NKAIN4: variants seen among roughly 807,000 people sequenced by gnomAD.
NKAIN4 encodes the protein sodium/potassium transporting ATPase interacting 4, also known as sodium/potassium-transporting ATPase subunit beta-1-interacting protein 4.
Under a neutral mutation model 28.8 loss-of-function variants are expected in NKAIN4, and 28 were observed. That is an observed-to-expected ratio of 0.97 (90% CI 0.72 to 1.33). The LOEUF (loss-of-function observed/expected upper bound fraction) is 1.33. Ranked by LOEUF, NKAIN4 falls within the 40% of genes most tolerant of loss-of-function variation. The probability of loss-of-function intolerance (pLI) is 0.00; values close to 1 mark genes in which losing one functional copy is unlikely to be tolerated. For missense variants in NKAIN4, 289 were observed against 277.2 expected (o/e 1.04, Z -0.30); for synonymous variants, 122 against 115.6 (o/e 1.06, Z -0.36).
rs918206149 is a variant in NKAIN4, at chr20:63,241,171, G to A, written c.*326C>T. ...GCACCTGAGGGAGGGGCTCCTCGAC[G>A]AGACGACAGCCTGGGGGCAGAGCTG... On this transcript the variant is annotated 3_prime_UTR_variant, in exon 7 of 7. Transcript: ENST00000370316. The A allele has an allele frequency of 2.1e-5, 7 of 335,296 alleles. No homozygotes were observed. Among genetic ancestry groups the A allele is most frequent in the South Asian group, 1.3e-4 (4 of 30,164 alleles). 20.8% of individuals were successfully genotyped at this position (335,296 alleles called of 1,614,324 possible). A position where few individuals can be genotyped will look rare whatever the true frequency, so the allele number is the denominator to read the frequency against.
chr20:63,243,590 C>T (rs569360807), intron 5 of NKAIN4, among the ~76,000 whole-genome samples: 50 of 152,304 alleles, frequency 3.3e-4, no homozygotes, highest in African/African-American at 8.2e-4. Context: ...GACGGGCTGG[C>T]GAGCAAAGGG....
rs561559912 is a variant in NKAIN4 at position 63,241,306 on chromosome 20, C to T, written c.*191G>A. ...GAAAGGAAATTACAAACTCTCTTGA[C>T]GCTGCAGCCAGCCGTGGCACTGCCC... On this transcript the variant is annotated 3_prime_UTR_variant, in exon 7 of 7. Transcript: ENST00000370316. 112 of 584,146 alleles carry T rather than the reference C, an allele frequency of 1.9e-4. No individual in the cohort carries two copies. Among genetic ancestry groups the T allele is most frequent in the African/African-American group, 1.8e-3 (95 of 52,382 alleles). 36.2% of individuals were successfully genotyped at this position (584,146 alleles called of 1,614,324 possible).
rs200564232 is a variant in NKAIN4 at position 63,252,881 on chromosome 20, G to A, written c.54+1516C>T. Among the ~76,000 whole-genome samples the A allele has an allele frequency of 1.8e-4, 28 of 152,202 alleles. No individual in the cohort carries two copies. The East Asian group carries it at 2.7e-3, about 15-fold the overall frequency. The stretch of plus-strand genomic sequence containing the variant: ...CCTGAGGTCACATCCGACCAGCACA[G>A]TCGTGCCTCACCCTGCACCTGAGAC... On this transcript the variant is annotated intron_variant, in intron 1 of 6. Transcript: ENST00000370316. This position sits in a 1 kb window ranked among gnomAD's most constrained non-coding sequence, Gnocchi z 4.6.
chr20:63,254,173 C>G (rs897567778), intron 1 of NKAIN4: 1 of 436,954 alleles, frequency 2.3e-6, no homozygotes, highest in Admixed American at 4.6e-5. Flanking sequence ...CGGCCGCCCC[C>G]CGCGCACGCA....
intron 6 of NKAIN4, 101 bp from the exon 7 acceptor site, chr20:63,241,607 C>A (rs2066752641): frequency 9.4e-6 from 10 of 1,063,690 alleles, no homozygotes; most frequent in Middle Eastern, 2.0e-4. Context: ...GGAACAAAGT[C>A]CAAGCAGTGG....
chr20:63,254,018 CAG>C (rs940146943), intron 1 of NKAIN4: 12 of 229,462 alleles, frequency 5.2e-5, no homozygotes, highest in Non-Finnish European at 7.9e-5. Flanking sequence ...CTCGCACAGA[CAG>C]AGACAGGCGC....
chr20:63,254,049 G>A (rs2067008782), intron 1 of NKAIN4: 2 of 276,372 alleles, frequency 7.2e-6, no homozygotes, highest in Admixed American at 5.8e-5. Flanking sequence ...GGGCGCACCC[G>A]GGGCCACACA....
intron 4 of NKAIN4, chr20:63,244,599 C>T (rs904735860): frequency 4.5e-5 from 21 of 466,038 alleles, no homozygotes; most frequent in Middle Eastern, 3.3e-4. Context: ...CGGGGTCCAG[C>T]GGGCAACTCC....
intron 1 of NKAIN4, chr20:63,253,347 G>A (rs941182180): frequency 3.1e-5 from 31 of 985,260 alleles, no homozygotes; most frequent in Non-Finnish European, 3.6e-5. Flanking sequence ...CTTCCTGCAG[G>A]AAGGACACGA....
chr20:63,246,312 A>G (rs989926550), intron 4 of NKAIN4, among the ~76,000 whole-genome samples: 1 of 152,274 alleles, frequency 6.6e-6, no homozygotes. Flanking sequence ...TTTCTCCTCC[A>G]GTGGCAGGCA....
At chr20:63,244,153 T>C in intron 4 of NKAIN4, 69 bp from the exon 5 acceptor site, 1 of 1,430,180 alleles carries the variant, frequency 7.0e-7, no homozygotes, top group Non-Finnish European at 9.7e-7. Flanking sequence ...TGAGGCGATG[T>C]GGGCCGAAGC....
intron 4 of NKAIN4, chr20:63,244,418 A>G: frequency 2.0e-6 from 1 of 502,936 alleles, no homozygotes; most frequent in Non-Finnish European, 3.9e-6. Context: ...CCCAGGCTGG[A>G]TGAACCCCAG....
At chr20:63,254,651 G>A, upstream of NKAIN4, 1 of 400,468 alleles carries the variant, frequency 2.5e-6, no homozygotes, top group Admixed American at 4.6e-5. Context: ...GCGGCCCCTG[G>A]GGGCTTCGCG....
At chr20:63,242,248 C>A (rs559478538) in intron 6 of NKAIN4, among the ~76,000 whole-genome samples, 1 of 152,122 alleles carries the variant, frequency 6.6e-6, no homozygotes, top group Non-Finnish European at 1.5e-5. Context: ...GACACCCTTG[C>A]GGCCCCCGAC....
intron 1 of NKAIN4, chr20:63,254,194 G>A (rs1027319481): frequency 4.5e-6 from 2 of 444,266 alleles, no homozygotes; most frequent in African/African-American, 4.2e-5. Flanking sequence ...CACCGGGGAC[G>A]GGACCCGGCG....
intron 6 of NKAIN4, 40 bp from the exon 7 acceptor site, chr20:63,241,546 C>G: frequency 6.5e-7 from 1 of 1,546,338 alleles, no homozygotes; most frequent in Non-Finnish European, 8.7e-7. Flanking sequence ...GGGAACAGGG[C>G]TGGGGCAGCC....
chr20:63,254,514 G>A (rs1454978368), upstream of NKAIN4: 15 of 1,132,598 alleles, frequency 1.3e-5, no homozygotes, highest in South Asian at 2.6e-4. Flanking sequence ...CGCTCCGCCC[G>A]CTCCCCACGC....
In NKAIN4 at chr20:63,242,532, T is replaced by C. The variant is rs779064734; in HGVS notation, c.617+7A>G. ...GCCGCAGAGCAGGTTCTGCCAGCCATACTTACAAGTACACCTGCTTGGACA... is the reference window on the plus strand; with the variant it reads ...GCCGCAGAGCAGGTTCTGCCAGCCACACTTACAAGTACACCTGCTTGGACA... On this transcript the variant is annotated splice_region_variant and intron_variant, in intron 6 of 6. Transcript: ENST00000370316. The C allele has an allele frequency of 6.2e-7, 1 of 1,606,310 alleles. No homozygotes were observed. Among genetic ancestry groups the C allele is most frequent in the Non-Finnish European group, 8.5e-7 (1 of 1,173,304 alleles).
At chr20:63,247,080 G>A (rs2066872377) in intron 4 of NKAIN4, 10 of 1,026,984 alleles carry the variant, frequency 9.7e-6, no homozygotes, top group East Asian at 2.0e-4. Flanking sequence ...GTCACGTGGC[G>A]CCAGCCTTGC....
Sources: gnomAD v4.1 joint callset for allele counts (sites outside exome capture counted in the v4.1 genomes callset) on GRCh38, gnomAD v4.1.1 for gene constraint, Gnocchi (gnomAD v3.1) non-coding constraint, MANE v1.5 for transcripts, NCBI Gene and HGNC (gene_info 2026-07-23, HGNC 2026-07-21) for gene names.